GALNTL6: variants seen among roughly 807,000 people sequenced by gnomAD.
The protein encoded by GALNTL6 is polypeptide N-acetylgalactosaminyltransferase like 6.
GALNTL6 carries 46 observed loss-of-function variants against 73.7 expected under a neutral mutation model. The observed-to-expected ratio is 0.62, with a 90% CI of 0.49 to 0.80. The LOEUF is 0.80. Among genes scored for constraint, GALNTL6 ranks in the 30% least tolerant of loss-of-function variants. The pLI is 0.00. For missense variants in GALNTL6, 604 were observed against 755.0 expected (o/e 0.80, Z 2.34); for synonymous variants, 259 against 263.7 (o/e 0.98, Z 0.17).
intron 10 of GALNTL6, among the ~76,000 whole-genome samples, chr4:173,001,687 C>T (rs1320800046): frequency 2.0e-5 from 3 of 152,134 alleles, no homozygotes; most frequent in Admixed American, 1.3e-4. Flanking sequence ...CCACAAATGA[C>T]TCAATTCAGA....
intron 5 of GALNTL6, among the ~76,000 whole-genome samples, chr4:172,582,506 T>C (rs547228785): frequency 3.9e-5 from 6 of 152,158 alleles, no homozygotes; most frequent in Non-Finnish European, 5.9e-5. Flanking sequence ...TCAAATTTAC[T>C]GATGGGGAAC....
intron 9 of GALNTL6, among the ~76,000 whole-genome samples, chr4:172,931,641 A>T (rs1452042782): frequency 6.6e-6 from 1 of 152,112 alleles, no homozygotes; most frequent in African/African-American, 2.4e-5. Context: ...ACCCACATGG[A>T]GTGTAGCAGG....
chr4:172,469,062 G>C (rs553581238), intron 5 of GALNTL6, among the ~76,000 whole-genome samples: 3 of 152,138 alleles, frequency 2.0e-5, no homozygotes, highest in Non-Finnish European at 4.4e-5. Flanking sequence ...CTTCACCCAT[G>C]ACCCTCTCCT....
In GALNTL6 at chr4:172,074,089, G is replaced by T. The variant is rs567534823; in HGVS notation, c.139-155567G>T. Among the ~76,000 whole-genome samples the T allele has an allele frequency of 2.0e-5, 3 of 152,258 alleles. No individual in the cohort carries two copies. The South Asian group carries it at 6.2e-4, about 32-fold the overall frequency. On this transcript the variant is annotated intron_variant, in intron 2 of 12. Transcript: ENST00000506823. Reference sequence around the variant, plus strand: ...TATTGTGACTAATCTCAATAACGTGGAAGTAAGAACCACAGAACAATTATA... The same window carrying T: ...TATTGTGACTAATCTCAATAACGTGTAAGTAAGAACCACAGAACAATTATA...
At chr4:172,303,374 G>A (rs955111299) in intron 3 of GALNTL6, among the ~76,000 whole-genome samples, 2 of 152,042 alleles carry the variant, frequency 1.3e-5, no homozygotes, top group Non-Finnish European at 2.9e-5. Flanking sequence ...TCCAGAATAA[G>A]GCATCCCCAA....
chr4:172,798,230 A>G (rs962127966), intron 5 of GALNTL6, among the ~76,000 whole-genome samples: 2 of 152,316 alleles, frequency 1.3e-5, no homozygotes, highest in Non-Finnish European at 2.9e-5. Flanking sequence ...GTTTTTAGAG[A>G]TGATCGTGGA....
intron 2 of GALNTL6, among the ~76,000 whole-genome samples, chr4:171,959,965 A>T (rs1158628832): frequency 1.3e-5 from 2 of 152,174 alleles, no homozygotes; most frequent in Admixed American, 1.3e-4. Context: ...CACAAAATAA[A>T]CTTATTTATT....
At position 172,465,222 on chromosome 4, in the gene GALNTL6, A is replaced by T. The variant is rs561700513; in HGVS notation, c.553+116533A>T. Among the ~76,000 whole-genome samples the T allele has an allele frequency of 6.0e-4, 91 of 152,312 alleles. 2 individuals are homozygous for T. In the South Asian group the frequency reaches 0.018, roughly 30 times the overall value. ...GCAGCGCGCGGTGGCTCACGCCTGT[A>T]ATCCCAGCACTTGGGGAGGCCGAGG... On this transcript the variant is annotated intron_variant, in intron 5 of 12. Transcript: ENST00000506823.
intron 2 of GALNTL6, among the ~76,000 whole-genome samples, chr4:171,938,925 TG>T (rs906278347): frequency 1.3e-5 from 2 of 152,096 alleles, no homozygotes; most frequent in African/African-American, 4.8e-5. Flanking sequence ...TTTCACATCT[TG>T]GTTTTCATAA....
At chr4:171,915,468 A>G (rs570106414) in intron 2 of GALNTL6, among the ~76,000 whole-genome samples, 2 of 152,310 alleles carry the variant, frequency 1.3e-5, no homozygotes, top group South Asian at 4.1e-4. Context: ...AGGGAGTGAT[A>G]GTGATTCTAA....
intron 5 of GALNTL6, among the ~76,000 whole-genome samples, chr4:172,798,135 C>G (rs1560959468): frequency 6.6e-6 from 1 of 152,084 alleles, no homozygotes; most frequent in Non-Finnish European, 1.5e-5. Context: ...GTCCACAGTT[C>G]TCATTCCTCA....
intron 2 of GALNTL6, among the ~76,000 whole-genome samples, chr4:172,175,650 G>A (rs536541041): frequency 3.3e-5 from 5 of 152,258 alleles, no homozygotes; most frequent in Admixed American, 6.5e-5. Flanking sequence ...ATTATGCTAC[G>A]TGCAACAAAC....
intron 2 of GALNTL6, among the ~76,000 whole-genome samples, chr4:172,172,905 C>T (rs1009302581): frequency 3.3e-5 from 5 of 152,158 alleles, no homozygotes; most frequent in East Asian, 1.9e-4. Context: ...TGAACACTGA[C>T]GTATGTAACA....
intron 5 of GALNTL6, among the ~76,000 whole-genome samples, chr4:172,664,709 C>T (rs1436735490): frequency 6.6e-6 from 1 of 152,212 alleles, no homozygotes; most frequent in Non-Finnish European, 1.5e-5. Context: ...AGATTCCTTA[C>T]TGCAAATCCT....
At chr4:172,130,296 C>T (rs912035795) in intron 2 of GALNTL6, among the ~76,000 whole-genome samples, 54 of 149,006 alleles carry the variant, frequency 3.6e-4, no homozygotes, top group African/African-American at 1.2e-3. Flanking sequence ...CTTATAAATA[C>T]GGAATCCTTT....
intron 5 of GALNTL6, among the ~76,000 whole-genome samples, chr4:172,799,328 G>A (rs931599281): frequency 6.6e-6 from 1 of 152,112 alleles, no homozygotes; most frequent in African/African-American, 2.4e-5. Context: ...TGCTGCAGTG[G>A]GGGGAAAAAT....
rs1736982895 is a variant in GALNTL6 at position 172,229,573 on chromosome 4, C to T, written c.139-83C>T. 1.5e-5 allele frequency: 11 copies of T among 723,462 alleles called. No individual in the cohort carries two copies. The South Asian group carries it at 1.9e-4, about 12-fold the overall frequency. The allele number at this position is 723,462 out of a possible 1,614,324, so 44.8% of individuals were successfully genotyped here. On this transcript the variant is annotated intron_variant, in intron 2 of 12. Transcript: ENST00000506823. ...TTATTTAACAGATATTCTTTGATTG[C>T]CTATTATGTGCCCGGCTGTGTTTAC...
chr4:172,165,825 C>T (rs938462745), intron 2 of GALNTL6, among the ~76,000 whole-genome samples: 1 of 152,090 alleles, frequency 6.6e-6, no homozygotes, highest in Non-Finnish European at 1.5e-5. Flanking sequence ...CACTAGTTTT[C>T]TTATTGCTAA....
chr4:172,359,927 G>A (rs1578992667), intron 5 of GALNTL6, among the ~76,000 whole-genome samples: 1 of 152,102 alleles, frequency 6.6e-6, no homozygotes, highest in African/African-American at 2.4e-5. Context: ...TCAGCCCCAT[G>A]GTAAGCTGAC....
Sources: allele counts gnomAD v4.1 joint callset (sites outside exome capture counted in the v4.1 genomes callset), GRCh38; gene constraint gnomAD v4.1.1; transcripts MANE v1.5; gene names NCBI Gene and HGNC (gene_info 2026-07-23, HGNC 2026-07-21).